PKN2: variants seen among roughly 807,000 people sequenced by gnomAD.
The protein encoded by PKN2 is protein kinase N2, also known as serine/threonine-protein kinase N2.
Under a neutral mutation model 119.1 loss-of-function variants are expected in PKN2, and 38 were observed. The observed-to-expected ratio is 0.32, with a 90% CI of 0.25 to 0.42. The LOEUF is 0.42. Among genes scored for constraint, PKN2 ranks in the 10% least tolerant of loss-of-function variants. PKN2 has a pLI of 1.00. For synonymous variants in PKN2, 390 were observed against 384.9 expected (o/e 1.01, Z -0.15); for missense variants, 850 against 1,165.1 (o/e 0.73, Z 3.94).
chr1:88,819,740 A>G (rs1200403441), intron 16 of PKN2, among the ~76,000 whole-genome samples: 1 of 152,218 alleles, frequency 6.6e-6, no homozygotes, highest in African/African-American at 2.4e-5. Context: ...TCACAATAGC[A>G]AAGACTTGGA....
At chr1:88,709,455 C>A (rs906544803) in intron 1 of PKN2, among the ~76,000 whole-genome samples, 11 of 152,136 alleles carry the variant, frequency 7.2e-5, no homozygotes, top group Non-Finnish European at 1.6e-4. Context: ...GATACTGAGA[C>A]TCTCTGGGGC....
intron 1 of PKN2, among the ~76,000 whole-genome samples, chr1:88,716,054 A>G (rs932782401): frequency 2.6e-5 from 4 of 152,204 alleles, no homozygotes; most frequent in Non-Finnish European, 5.9e-5. Context: ...TTATTTACCC[A>G]GTAGTCATTC....
At position 88,805,498 on chromosome 1, in the gene PKN2, C is replaced by T. The variant is rs200022569; in HGVS notation, c.1503C>T (p.Gly501=). 127 of 1,587,974 alleles carry T rather than the reference C, an allele frequency of 8.0e-5. No individual in the cohort carries two copies. Among genetic ancestry groups the T allele is most frequent in the Non-Finnish European group, 9.8e-5 (114 of 1,164,084 alleles). ...TTTTGTTTTTTTCAACATCTACAGG[C>T]AAAACATTTCTCAGAGCTCCTCAAA... ...RQKKIFSKQQ[G]KTFLRAPQMN... is the part of the protein sequence containing the mutation. Residue 501 remains glycine (G), a splice_region_variant and synonymous_variant, in exon 11 of 22, where the codon GGC becomes GGT. Transcript: ENST00000370521.
At chr1:88,827,178 A>G (rs1672531096) in intron 18 of PKN2, among the ~76,000 whole-genome samples, 1 of 152,146 alleles carries the variant, frequency 6.6e-6, no homozygotes, top group Non-Finnish European at 1.5e-5. Context: ...ACATAGAGAT[A>G]ATATCTTCAA....
In PKN2 at chr1:88,807,614, T is replaced by C. The variant is rs1385325133; in HGVS notation, c.2010+10T>C. 17 of 1,586,560 alleles carry C rather than the reference T, an allele frequency of 1.1e-5. No individual in the cohort carries two copies. The South Asian group carries it at 1.7e-4, about 16-fold the overall frequency. On this transcript the variant is annotated intron_variant, in intron 14 of 21. Transcript: ENST00000370521. ...AGGACATTTTGGAAAGGTAATCTTTTTGGAATTTTTTGGAATATCTACAAC... is the reference window on the plus strand; with the variant it reads ...AGGACATTTTGGAAAGGTAATCTTTCTGGAATTTTTTGGAATATCTACAAC...
intron 1 of PKN2, among the ~76,000 whole-genome samples, chr1:88,686,833 T>C (rs1666122691): frequency 6.6e-6 from 1 of 152,142 alleles, no homozygotes; most frequent in Non-Finnish European, 1.5e-5. Context: ...CAAGATTCAC[T>C]TTTTTAAAAA....
intron 6 of PKN2, among the ~76,000 whole-genome samples, chr1:88,774,847 T>C (rs754488624): frequency 1.3e-5 from 2 of 151,800 alleles, no homozygotes; most frequent in Non-Finnish European, 2.9e-5. Context: ...TAGCTAGGAG[T>C]ACGGGAACGT....
intron 6 of PKN2, among the ~76,000 whole-genome samples, chr1:88,784,258 G>A (rs1045362868): frequency 6.0e-5 from 9 of 150,546 alleles, no homozygotes; most frequent in Middle Eastern, 3.4e-3. Flanking sequence ...CGGATAGCTG[G>A]GACTACAGGC....
At chr1:88,830,176 C>T (rs1672676113) in intron 19 of PKN2, among the ~76,000 whole-genome samples, 1 of 152,128 alleles carries the variant, frequency 6.6e-6, no homozygotes, top group Non-Finnish European at 1.5e-5. Context: ...GAATTTTAAC[C>T]TTGTCACTCT....
intron 2 of PKN2, among the ~76,000 whole-genome samples, chr1:88,744,336 G>A (rs1010933678): frequency 6.6e-6 from 1 of 152,186 alleles, no homozygotes; most frequent in Non-Finnish European, 1.5e-5. Context: ...AGCTTAGTAA[G>A]CAGAACAAAT....
At chr1:88,823,643 G>A (rs954873674) in intron 17 of PKN2, among the ~76,000 whole-genome samples, 1 of 148,676 alleles carries the variant, frequency 6.7e-6, no homozygotes, top group African/African-American at 2.5e-5. Flanking sequence ...AGTGGATGTT[G>A]CAGTGAGCCA....
At chr1:88,817,574 G>A (rs114276886) in intron 16 of PKN2, among the ~76,000 whole-genome samples, 2,953 of 151,858 alleles carry the variant, frequency 0.019, 93 homozygotes, top group African/African-American at 0.066. Flanking sequence ...TGGGTGTGGC[G>A]GTGTAGGCCT....
intron 17 of PKN2, 76 bp from the exon 18 acceptor site, chr1:88,824,234 A>G (rs1672408900): frequency 4.1e-6 from 3 of 728,292 alleles, no homozygotes; most frequent in East Asian, 2.5e-5. Flanking sequence ...TCCAATTGCA[A>G]TTATTTTTTT....
At chr1:88,705,138 T>C (rs80076747) in intron 1 of PKN2, among the ~76,000 whole-genome samples, 3,453 of 152,152 alleles carry the variant, frequency 0.023, 62 homozygotes, top group Middle Eastern at 0.037. Context: ...CTTTTCTTTT[T>C]TTTTTTAAAC....
chr1:88,787,576 A>G (rs563518046), intron 8 of PKN2, among the ~76,000 whole-genome samples: 19 of 152,310 alleles, frequency 1.2e-4, no homozygotes, highest in African/African-American at 4.3e-4. Context: ...AGCACAGAGG[A>G]GGAAACAGCA....
At chr1:88,760,708 C>T (rs1210610346) in intron 3 of PKN2, among the ~76,000 whole-genome samples, 1 of 151,990 alleles carries the variant, frequency 6.6e-6, no homozygotes, top group Non-Finnish European at 1.5e-5. Context: ...TATATTGTGA[C>T]ATCTGAAATC....
At chr1:88,730,746 C>A (rs1668115860) in intron 1 of PKN2, among the ~76,000 whole-genome samples, 1 of 152,152 alleles carries the variant, frequency 6.6e-6, no homozygotes, top group Admixed American at 6.5e-5. Context: ...AACTATGTGC[C>A]AGAAACTGTA....
chr1:88,803,100 T>C (rs1395525689), intron 8 of PKN2, among the ~76,000 whole-genome samples: 1 of 152,202 alleles, frequency 6.6e-6, no homozygotes, highest in Non-Finnish European at 1.5e-5. Flanking sequence ...CTCATACTTC[T>C]TTCATGACAG....
intron 15 of PKN2, among the ~76,000 whole-genome samples, chr1:88,809,695 C>T (rs1231291126): frequency 6.6e-6 from 1 of 152,176 alleles, no homozygotes; most frequent in Non-Finnish European, 1.5e-5. Flanking sequence ...GATCCTAGTT[C>T]ACTGCAGCCT....
Sources: allele counts gnomAD v4.1 joint callset (sites outside exome capture counted in the v4.1 genomes callset), GRCh38; gene constraint gnomAD v4.1.1; transcripts MANE v1.5; gene names NCBI Gene and HGNC (gene_info 2026-07-23, HGNC 2026-07-21).